Variants in CDC37 observed in about 807,000 individuals in gnomAD.
The protein encoded by CDC37 is cell division cycle 37, HSP90 cochaperone.
A neutral mutation model predicts 46.9 loss-of-function variants in CDC37; 9 were observed. The ratio of observed to expected loss-of-function variants is 0.19; its 90% CI spans 0.12 to 0.33. CDC37 has a LOEUF of 0.33. CDC37 is among the 10% of genes least tolerant of loss of function. The probability of loss-of-function intolerance (pLI) is 1.00; values close to 1 mark genes in which losing one functional copy is unlikely to be tolerated. For synonymous variants in CDC37, 193 were observed against 191.0 expected, an observed-to-expected ratio of 1.01 and a Z score of -0.09; for missense variants, 388 against 514.6, an observed-to-expected ratio of 0.75 and a Z score of 2.38.
chr19:10,402,933 T>C (rs865914160), intron 1 of CDC37, among the ~76,000 whole-genome samples: 4 of 150,580 alleles, frequency 2.7e-5, no homozygotes, highest in Non-Finnish European at 4.4e-5. Flanking sequence ...GACCAAAGTA[T>C]TGGGGGTCCA....
At chr19:10,399,439 G>A (rs1185386309) in intron 1 of CDC37, among the ~76,000 whole-genome samples, 1 of 146,202 alleles carries the variant, frequency 6.8e-6, no homozygotes, top group African/African-American at 2.6e-5. Context: ...ACTCCAGCCT[G>A]GGCGACAGAG....
rs979250342 is a variant in CDC37 at position 10,400,389 on chromosome 19, A to AT, written c.102+2988dup. Among the ~76,000 whole-genome samples, 205 of 149,824 alleles carry AT rather than the reference A, an allele frequency of 1.4e-3. 1 individual carries two copies. The highest frequency in any genetic ancestry group is 2.9e-3 in the African/African-American group (117 of 41,024). The stretch of plus-strand genomic sequence containing the variant: ...TTTGTCCGCTTCTGGAAACTTTGAA[A>AT]TTTTTTTTTTTAAGAGACAAGGTCT... On this transcript the variant is annotated intron_variant, in intron 1 of 7. Transcript: ENST00000222005.
intron 1 of CDC37, among the ~76,000 whole-genome samples, chr19:10,399,418 C>T (rs28459177): frequency 2.1e-5 from 3 of 145,590 alleles, no homozygotes; most frequent in Admixed American, 7.0e-5. Context: ...GAGCTGAGAT[C>T]GCCCCACTGC....
rs916955769 is a variant in CDC37 at position 10,396,217 on chromosome 19, C to T, written c.103-14G>A. On this transcript the variant is annotated splice_polypyrimidine_tract_variant and intron_variant, in intron 1 of 7. Coordinates refer to ENST00000222005, the MANE Select transcript of CDC37 (RefSeq NM_007065.4). This position sits in a 1 kb window ranked among gnomAD's most constrained non-coding sequence, Gnocchi z 5.9. ...TTCCACCCGGGCCTGCGGGCAGGGA[C>T]GGCCTATCAACTCTGGGGAGTCGTC... 2.5e-6 allele frequency: 4 copies of T among 1,610,514 alleles called. No homozygotes were observed. The highest frequency in any genetic ancestry group is 2.2e-5 in the East Asian group (1 of 44,860).
chr19:10,399,493 T>C (rs1009320493), intron 1 of CDC37, among the ~76,000 whole-genome samples: 5 of 122,642 alleles, frequency 4.1e-5, no homozygotes, highest in Non-Finnish European at 6.7e-5. Flanking sequence ...AAAAAAGCTA[T>C]ACCTCATGAG....
At position 10,402,195 on chromosome 19, in the gene CDC37, A is replaced by ACACT. The variant is rs564233338; in HGVS notation, c.102+1179_102+1182dup. On this transcript the variant is annotated intron_variant, in intron 1 of 7. Transcript: ENST00000222005. ...AAAAAAAAAAAAAGGAATACAACAG[A>ACACT]CACTGGTATGTAATGCAGGCACACT... 1.2e-4 allele frequency among the ~76,000 whole-genome samples: 18 copies of ACACT among 150,374 alleles called. No homozygotes were observed. The South Asian group carries it at 2.3e-3, about 19-fold the overall frequency.
chr19:10,391,737 G>A (rs2042458399), intron 7 of CDC37, 31 bp from the exon 8 acceptor site: 2 of 1,604,496 alleles, frequency 1.2e-6, no homozygotes, highest in African/African-American at 2.7e-5. Context: ...GATGAGGTGG[G>A]GCCGCCAGCC....
At chr19:10,403,011 T>C (rs1308775065) in intron 1 of CDC37, among the ~76,000 whole-genome samples, 1 of 151,954 alleles carries the variant, frequency 6.6e-6, no homozygotes, top group East Asian at 1.9e-4. Context: ...GGATGAGGGA[T>C]CATCTAGAAG....
At chr19:10,397,415 C>CTTTT (rs933052804) in intron 1 of CDC37, among the ~76,000 whole-genome samples, 16 of 86,822 alleles carry the variant, frequency 1.8e-4, no homozygotes, top group African/African-American at 3.7e-4. Context: ...CCAAGCCTGG[C>CTTTT]TTTTTTTTTT....
chr19:10,394,228 C>T (rs1456719240), intron 5 of CDC37, among the ~76,000 whole-genome samples: 1 of 152,216 alleles, frequency 6.6e-6, no homozygotes, highest in Non-Finnish European at 1.5e-5. Context: ...CACGCCACTG[C>T]ATTCCAGCCT....
intron 2 of CDC37, 170 bp from the exon 3 acceptor site, chr19:10,395,713 G>T: frequency 1.3e-6 from 1 of 753,228 alleles, no homozygotes; most frequent in East Asian, 2.6e-5. Flanking sequence ...GCAGATCAGA[G>T]GAGGGGACCG....
Position 10,391,630 on chromosome 19 carries a change from T to C in CDC37, c.1058A>G (p.Glu353Gly). ...VPNSKASEAKEGEEAGPGDPL... is the reference protein window; with the variant it reads ...VPNSKASEAKGGEEAGPGDPL... ...GTCCCCAGGACCTGCCTCCTCTCCCTCCTTGGCCTCGCTGGCCTTAGAGTT... is the reference window on the plus strand; with the variant it reads ...GTCCCCAGGACCTGCCTCCTCTCCCCCCTTGGCCTCGCTGGCCTTAGAGTT... Residue 353 changes from glutamate (E) to glycine (G), a missense_variant, in exon 8 of 8, where the codon GAG becomes GGG. Physicochemically the swap from Glu to Gly is moderately conservative, Grantham distance 98 (BLOSUM62 -2). Transcript: ENST00000222005. The C allele has an allele frequency of 6.2e-7, 1 of 1,614,158 alleles. No individual in the cohort carries two copies. Among genetic ancestry groups the C allele is most frequent in the South Asian group, 1.1e-5 (1 of 91,086 alleles).
In CDC37 at chr19:10,398,776, T is replaced by C. The variant is rs2042504014; in HGVS notation, c.103-2573A>G. Among the ~76,000 whole-genome samples, 1 of 152,080 alleles carries C rather than the reference T, an allele frequency of 6.6e-6. No individual in the cohort carries two copies. The highest frequency in any genetic ancestry group is 2.1e-4 in the South Asian group (1 of 4,826). ...GCTTAGTTTAATTTCTGGCCCAGAG[T>C]ACACGCTCAATAACTGGGAGTGGTT... On this transcript the variant is annotated intron_variant, in intron 1 of 7. Transcript: ENST00000222005. This position sits in a 1 kb window ranked among gnomAD's most constrained non-coding sequence, Gnocchi z 4.2.
At position 10,396,927 on chromosome 19, in the gene CDC37, A is replaced by G. The variant is rs1164371608; in HGVS notation, c.103-724T>C. ...CGCACTGGCTGTTCCAACTACTTGG[A>G]ATGCTTTTCCTTCAGAGCCCCCCAC... is the stretch of plus-strand genomic sequence containing the variant. On this transcript the variant is annotated intron_variant, in intron 1 of 7. Coordinates refer to ENST00000222005, the MANE Select transcript of CDC37 (RefSeq NM_007065.4). This position sits in a 1 kb window ranked among gnomAD's most constrained non-coding sequence, Gnocchi z 5.9. 1.3e-5 allele frequency among the ~76,000 whole-genome samples: 2 copies of G among 152,102 alleles called. No homozygotes were observed. The highest frequency in any genetic ancestry group is 1.3e-4 in the Admixed American group (2 of 15,268).
rs541547971 is a variant in CDC37, at chr19:10,401,604, C to T, written c.102+1774G>A. 4.6e-5 allele frequency among the ~76,000 whole-genome samples: 7 copies of T among 152,282 alleles called. No individual in the cohort carries two copies. The East Asian group carries it at 9.6e-4, about 21-fold the overall frequency. On this transcript the variant is annotated intron_variant, in intron 1 of 7. Transcript: ENST00000222005. ...TGTTACACACGGCAAGAAATAGAAG[C>T]GCTAGAACTTTCTTCCCACACTCCA...
chr19:10,400,831 G>T (rs2042514995), intron 1 of CDC37: 1 of 136,608 alleles, frequency 7.3e-6, no homozygotes, highest in Non-Finnish European at 1.6e-5. Flanking sequence ...TGTGGCTACA[G>T]ATTTTTTTTT....
intron 5 of CDC37, 38 bp downstream of exon 5, chr19:10,394,983 A>C (rs943862482): frequency 6.6e-7 from 1 of 1,507,756 alleles, no homozygotes; most frequent in Admixed American, 2.3e-5. Context: ...TTCCCTGGGG[A>C]GGGGGCCTCC....
Position 10,403,490 on chromosome 19 carries a change from C to A in CDC37, c.-11G>T. ...GCTGTAGTCCACCATCTTGCCTTGG[C>A]GGCCCAGCCCGCTCCGGCTCGGGTG... On this transcript the variant is annotated 5_prime_UTR_variant, in exon 1 of 8. Transcript: ENST00000222005. The A allele has an allele frequency of 6.2e-7, 1 of 1,603,266 alleles. No individual in the cohort carries two copies. The highest frequency in any genetic ancestry group is 8.5e-7 in the Non-Finnish European group (1 of 1,171,906).
In CDC37 at chr19:10,391,257, A is replaced by T. The variant is rs2042454569; in HGVS notation, c.*294T>A. 2.3e-6 allele frequency: 1 copy of T among 438,834 alleles called. No homozygotes were observed. Among genetic ancestry groups the T allele is most frequent in the Admixed American group, 4.0e-5 (1 of 25,064 alleles). 27.2% of individuals were successfully genotyped at this position (438,834 alleles called of 1,614,324 possible). A position where few individuals can be genotyped will look rare whatever the true frequency, so the allele number is the denominator to read the frequency against. ...GGCCCCTTGGCTGGGGACCCTCCCC[A>T]ACTACCTGGTAGACCAGCCTGGTGA... On this transcript the variant is annotated 3_prime_UTR_variant, in exon 8 of 8. Transcript: ENST00000222005.
Sources: allele counts gnomAD v4.1 joint callset (sites outside exome capture counted in the v4.1 genomes callset), GRCh38; gene constraint gnomAD v4.1.1; non-coding constraint Gnocchi (gnomAD v3.1); transcripts MANE v1.5; gene names NCBI Gene and HGNC (gene_info 2026-07-23, HGNC 2026-07-21).